SEPTIN10: variants seen among roughly 807,000 people sequenced by gnomAD.
The protein encoded by SEPTIN10 is septin 10, also known as septin-10.
A neutral mutation model predicts 54.8 loss-of-function variants in SEPTIN10; 66 were observed. The observed-to-expected ratio is 1.21, with a 90% CI of 0.99 to 1.48. The LOEUF is 1.48. SEPTIN10 is among the 40% of genes most tolerant of loss of function. SEPTIN10 has a pLI of 0.00. For synonymous variants in SEPTIN10, 161 were observed against 181.0 expected, an observed-to-expected ratio of 0.89 and a Z score of 0.89; for missense variants, 620 against 545.6, an observed-to-expected ratio of 1.14 and a Z score of -1.36.
At chr2:109,571,684 T>A (rs556218087) in intron 5 of SEPTIN10, among the ~76,000 whole-genome samples, 14 of 152,322 alleles carry the variant, frequency 9.2e-5, no homozygotes, top group Admixed American at 7.2e-4. Flanking sequence ...CTATTTTATA[T>A]AAGGAATTTC....
intron 1 of SEPTIN10, among the ~76,000 whole-genome samples, chr2:109,601,765 TA>T (rs199504357): frequency 0.12 from 16,843 of 143,182 alleles, 1,548 homozygotes; most frequent in East Asian, 0.25. Context: ...ACCCTGAAGT[TA>T]AAAAAAAAAA....
intron 9 of SEPTIN10, 49 bp from the exon 10 acceptor site, chr2:109,546,286 G>A (rs1263913206): frequency 7.7e-7 from 1 of 1,305,002 alleles, no homozygotes; most frequent in Non-Finnish European, 1.0e-6. Context: ...CGGCAGCAGA[G>A]GCACGCTCTC....
intron 2 of SEPTIN10, among the ~76,000 whole-genome samples, chr2:109,587,952 C>A (rs937711753): frequency 6.6e-6 from 1 of 151,554 alleles, no homozygotes; most frequent in Non-Finnish European, 1.5e-5. Context: ...AAAAATTACC[C>A]GGGCGTGGTG....
intron 8 of SEPTIN10, among the ~76,000 whole-genome samples, chr2:109,559,417 T>C (rs1380942581): frequency 6.6e-6 from 1 of 152,136 alleles, no homozygotes; most frequent in African/African-American, 2.4e-5. Flanking sequence ...CTAAACTTAC[T>C]GAGTTTCTTC....
At chr2:109,552,932 C>G (rs1035713508) in intron 9 of SEPTIN10, 155 bp downstream of exon 9, 3 of 834,576 alleles carry the variant, frequency 3.6e-6, no homozygotes, top group Non-Finnish European at 1.8e-6. Context: ...GGCTATGATT[C>G]TAAGTCAATA....
intron 9 of SEPTIN10, among the ~76,000 whole-genome samples, chr2:109,547,142 T>A (rs1681463454): frequency 6.6e-6 from 1 of 152,212 alleles, no homozygotes; most frequent in East Asian, 1.9e-4. Context: ...CAGACAGCTC[T>A]ACATTAACTA....
chr2:109,544,972 CAATA>C, intron 10 of SEPTIN10: 2 of 985,202 alleles, frequency 2.0e-6, no homozygotes, highest in Non-Finnish European at 2.4e-6. Context: ...ATATATAAGC[CAATA>C]AAATCTGCCA....
At position 109,574,758 on chromosome 2, in the gene SEPTIN10, T is replaced by C. The variant is rs371662431; in HGVS notation, c.423A>G (p.Pro141=). The C allele has an allele frequency of 6.3e-7, 1 of 1,579,222 alleles. No homozygotes were observed. The highest frequency in any genetic ancestry group is 8.6e-7 in the Non-Finnish European group (1 of 1,165,686). The stretch of plus-strand genomic sequence containing the variant: ...ACTGAGCATCTATGTAGTCAACTAT[T>C]GGTTGGTAGCTGAAAAATTATTTAA... ...DQINKEESYQ[P]IVDYIDAQFE... Residue 141 remains proline, a synonymous_variant, in exon 5 of 11, where the codon CCA becomes CCG. Transcript: ENST00000397712.
rs1441081696 is a variant in SEPTIN10 at position 109,585,741 on chromosome 2, C to G, written c.197G>C (p.Cys66Ser). 6.2e-7 allele frequency: 1 copy of G among 1,612,966 alleles called. No individual in the cohort carries two copies. Among genetic ancestry groups the G allele is most frequent in the Non-Finnish European group, 8.5e-7 (1 of 1,179,662 alleles). ...CGTACCCACACAGAGAATATTAAAG[C>G]AGAAACCTTGCTGAATGGATCTGTT... The part of the protein sequence containing the change: ...LVNRSIQQGF[C>S]FNILCVGETG... The change falls in exon 3 of 11, where the codon TGC becomes TCC. Residue 66 changes from cysteine (C) to serine (S), a missense_variant. Coordinates refer to ENST00000397712, the MANE Select transcript of SEPTIN10 (RefSeq NM_144710.5).
chr2:109,559,110 T>C (rs1239256271), intron 8 of SEPTIN10, among the ~76,000 whole-genome samples: 3 of 152,170 alleles, frequency 2.0e-5, no homozygotes, highest in Non-Finnish European at 4.4e-5. Context: ...GGTCTTGAAC[T>C]CCTGACCTCA....
intron 1 of SEPTIN10, among the ~76,000 whole-genome samples, chr2:109,609,137 C>CA (rs1698670344): frequency 6.6e-6 from 1 of 152,182 alleles, no homozygotes; most frequent in African/African-American, 2.4e-5. Context: ...ATGACACTAT[C>CA]AGTGTTTCAG....
At chr2:109,613,406 C>G (rs570467109) in intron 1 of SEPTIN10, 9 of 323,682 alleles carry the variant, frequency 2.8e-5, no homozygotes, top group South Asian at 1.8e-4. Flanking sequence ...GGCAGGGAGG[C>G]TCGGAAGTGC....
Position 109,543,011 on chromosome 2 carries a change from GAGT to G in SEPTIN10, c.*1295_*1297del, listed in dbSNP as rs1472893934. On this transcript the variant is annotated 3_prime_UTR_variant, in exon 11 of 11. Transcript: ENST00000397712. Reference sequence around the variant, plus strand: ...AGTAAATATATGTTTTATTTGTCAAGAGTAAATGTCAGTTTTATTTAGAATATT... The same window carrying G: ...AGTAAATATATGTTTTATTTGTCAAGAAATGTCAGTTTTATTTAGAATATT... 1 of 152,556 alleles carries G rather than the reference GAGT, an allele frequency of 6.6e-6. No individual in the cohort carries two copies. The highest frequency in any genetic ancestry group is 2.4e-5 in the African/African-American group (1 of 41,426). The allele number at this position is 152,556 out of a possible 1,614,324, so 9.5% of individuals were successfully genotyped here.
chr2:109,594,354 G>A (rs1377623287), intron 1 of SEPTIN10, among the ~76,000 whole-genome samples: 2 of 152,108 alleles, frequency 1.3e-5, no homozygotes, highest in Non-Finnish European at 2.9e-5. Context: ...ATAGCTCAGC[G>A]CTCTTCCCGA....
At chr2:109,557,065 A>C (rs565380074) in intron 8 of SEPTIN10, among the ~76,000 whole-genome samples, 34 of 152,262 alleles carry the variant, frequency 2.2e-4, no homozygotes, top group African/African-American at 7.5e-4. Context: ...AGATATACCT[A>C]ATGTAAATGA....
In SEPTIN10 at chr2:109,609,310, A is replaced by ATATGAG. The variant is rs369763671; in HGVS notation, c.30+4482_30+4487dup. ...AAAAATAATGCCTGTCCTCAAAGAT[A>ATATGAG]TATGAGTATGGCTATGGAGGATACA... On this transcript the variant is annotated intron_variant, in intron 1 of 10. Transcript: ENST00000397712. Among the ~76,000 whole-genome samples, 22 of 150,962 alleles carry ATATGAG rather than the reference A, an allele frequency of 1.5e-4. No individual in the cohort carries two copies. The East Asian group carries it at 4.3e-3, about 29-fold the overall frequency.
At chr2:109,566,414 T>C (rs898831082) in intron 6 of SEPTIN10, among the ~76,000 whole-genome samples, 3 of 152,060 alleles carry the variant, frequency 2.0e-5, no homozygotes, top group African/African-American at 7.2e-5. Context: ...AGTGCTGGGA[T>C]TATAGGTGTG....
At chr2:109,564,110 CAG>C (rs141297714) in intron 8 of SEPTIN10, 148,121 of 359,876 alleles carry the variant, frequency 0.41, 33,183 homozygotes, top group Middle Eastern at 0.53. Context: ...TGAACTGAAA[CAG>C]GGGGCCTCTG....
intron 1 of SEPTIN10, among the ~76,000 whole-genome samples, chr2:109,608,259 C>A (rs1189312400): frequency 6.6e-6 from 1 of 152,186 alleles, no homozygotes; most frequent in Non-Finnish European, 1.5e-5. Flanking sequence ...CCATGAGAGA[C>A]TGGGATACAG....
Sources: gnomAD v4.1 joint callset for allele counts (sites outside exome capture counted in the v4.1 genomes callset) on GRCh38, gnomAD v4.1.1 for gene constraint, MANE v1.5 for transcripts, NCBI Gene and HGNC (gene_info 2026-07-23, HGNC 2026-07-21) for gene names.